Variants in TRHDE observed in about 807,000 individuals in gnomAD.
TRHDE encodes the protein thyrotropin-releasing hormone-degrading ectoenzyme.
Under a neutral mutation model 125.7 loss-of-function variants are expected in TRHDE, and 72 were observed. The observed-to-expected ratio is 0.57, with a 90% CI of 0.47 to 0.70. TRHDE has a LOEUF of 0.70. Among genes scored for constraint, TRHDE ranks in the 30% least tolerant of loss-of-function variants. The pLI is 0.00. For missense variants in TRHDE, 1,110 were observed against 1,327.1 expected (o/e 0.84, Z 2.54); for synonymous variants, 509 against 509.1 (o/e 1.00, Z 0.00).
chr12:72,626,326 A>C (rs1358225226), intron 15 of TRHDE, among the ~76,000 whole-genome samples: 2 of 151,912 alleles, frequency 1.3e-5, no homozygotes, highest in Non-Finnish European at 2.9e-5. Flanking sequence ...TATAATACTT[A>C]ACCTTTGCAG....
At chr12:72,551,669 G>A (rs564563648) in intron 7 of TRHDE, among the ~76,000 whole-genome samples, 4 of 151,856 alleles carry the variant, frequency 2.6e-5, no homozygotes, top group Non-Finnish European at 4.4e-5. Flanking sequence ...AAGTATTCAG[G>A]GCATGGTCCT....
intron 2 of TRHDE, among the ~76,000 whole-genome samples, chr12:72,323,178 A>G (rs1013755416): frequency 6.6e-6 from 1 of 152,118 alleles, no homozygotes; most frequent in Non-Finnish European, 1.5e-5. Context: ...AGAAGGTAAT[A>G]ATTTGGGAGA....
chr12:72,122,070 G>A (rs1875595221), intron 2 of TRHDE, among the ~76,000 whole-genome samples: 1 of 152,006 alleles, frequency 6.6e-6, no homozygotes, highest in South Asian at 2.1e-4. Flanking sequence ...CAAGAAGGAG[G>A]GAGGTGGTGG....
chr12:72,368,671 G>C (rs1326878016), intron 2 of TRHDE, among the ~76,000 whole-genome samples: 1 of 152,076 alleles, frequency 6.6e-6, no homozygotes, highest in African/African-American at 2.4e-5. Flanking sequence ...TGTGAATAGT[G>C]ACCTGACCCT....
At chr12:72,222,738 AC>A (rs1285167060) in intron 2 of TRHDE, among the ~76,000 whole-genome samples, 1 of 152,044 alleles carries the variant, frequency 6.6e-6, no homozygotes, top group African/African-American at 2.4e-5. Context: ...ATTGTTCCAG[AC>A]CCCTATCTGC....
chr12:72,633,086 C>T (rs772300673), intron 15 of TRHDE, among the ~76,000 whole-genome samples: 47 of 152,032 alleles, frequency 3.1e-4, no homozygotes, highest in Middle Eastern at 3.4e-3. Context: ...GGAACTTAAA[C>T]CTTTAAAAAG....
chr12:72,189,845 C>T (rs1877302975), intron 2 of TRHDE, among the ~76,000 whole-genome samples: 1 of 152,104 alleles, frequency 6.6e-6, no homozygotes, highest in East Asian at 1.9e-4. Flanking sequence ...CAGTGCAAAG[C>T]TCTGCCACTT....
intron 2 of TRHDE, among the ~76,000 whole-genome samples, chr12:72,123,207 A>C (rs1592449084): frequency 6.6e-6 from 1 of 152,274 alleles, no homozygotes; most frequent in Admixed American, 6.5e-5. Context: ...GGTAATGGGA[A>C]GCCACTGTAG....
At chr12:72,635,235 C>A (rs1406525802) in intron 15 of TRHDE, among the ~76,000 whole-genome samples, 1 of 152,068 alleles carries the variant, frequency 6.6e-6, no homozygotes, top group Non-Finnish European at 1.5e-5. Flanking sequence ...TTTTGATTTG[C>A]ATTTCTTTGA....
At chr12:72,090,892 T>G (rs1396379446) in intron 1 of TRHDE, among the ~76,000 whole-genome samples, 1 of 151,898 alleles carries the variant, frequency 6.6e-6, no homozygotes, top group African/African-American at 2.4e-5. Flanking sequence ...TCTTACTCTG[T>G]CCCCAGGCTG....
At chr12:72,521,578 AGCT>A (rs1238863496) in intron 6 of TRHDE, among the ~76,000 whole-genome samples, 1 of 152,228 alleles carries the variant, frequency 6.6e-6, no homozygotes, top group East Asian at 1.9e-4. Flanking sequence ...GGATGCAGTT[AGCT>A]CAGTGCCATA....
intron 2 of TRHDE, among the ~76,000 whole-genome samples, chr12:72,249,179 TA>T (rs200192972): frequency 2.0e-4 from 31 of 151,854 alleles, no homozygotes; most frequent in South Asian, 8.3e-4. Flanking sequence ...TAGCAAAACT[TA>T]AAAAAAATGA....
chr12:72,291,251 C>T (rs2139434170), intron 2 of TRHDE, among the ~76,000 whole-genome samples: 1 of 152,270 alleles, frequency 6.6e-6, no homozygotes, highest in East Asian at 1.9e-4. Context: ...CTCCCTTCAA[C>T]AGACAATAAT....
intron 2 of TRHDE, among the ~76,000 whole-genome samples, chr12:72,335,256 C>G (rs1313121732): frequency 6.6e-6 from 1 of 152,134 alleles, no homozygotes; most frequent in African/African-American, 2.4e-5. Context: ...TAGATTCTAA[C>G]AAGAGATTTC....
intron 2 of TRHDE, among the ~76,000 whole-genome samples, chr12:72,157,276 GA>G (rs938763687): frequency 1.8e-4 from 28 of 152,168 alleles, no homozygotes; most frequent in Non-Finnish European, 3.8e-4. Flanking sequence ...TAGGATCCTT[GA>G]AGGGCATGGT....
chr12:72,328,026 C>A (rs571710109), intron 2 of TRHDE, among the ~76,000 whole-genome samples: 5 of 152,262 alleles, frequency 3.3e-5, no homozygotes, highest in African/African-American at 1.2e-4. Flanking sequence ...TGCATACTGA[C>A]ATGCAGTGTA....
chr12:72,183,806 G>A (rs1366611159), intron 2 of TRHDE, among the ~76,000 whole-genome samples: 1 of 152,106 alleles, frequency 6.6e-6, no homozygotes, highest in Admixed American at 6.5e-5. Context: ...GAGAAATAAT[G>A]ACAGTATAAA....
intron 2 of TRHDE, among the ~76,000 whole-genome samples, chr12:72,193,233 AT>A (rs1221688074): frequency 6.6e-6 from 1 of 152,010 alleles, no homozygotes; most frequent in Non-Finnish European, 1.5e-5. Context: ...AAACATACAG[AT>A]TAATATTTCA....
intron 1 of TRHDE, among the ~76,000 whole-genome samples, chr12:72,104,555 A>G (rs981117378): frequency 2.6e-5 from 4 of 152,222 alleles, no homozygotes; most frequent in African/African-American, 7.2e-5. Context: ...TTTATGTTCA[A>G]GTGCTATTTT....
Sources: gnomAD v4.1 joint callset for allele counts (sites outside exome capture counted in the v4.1 genomes callset) on GRCh38, gnomAD v4.1.1 for gene constraint, MANE v1.5 for transcripts, NCBI Gene and HGNC (gene_info 2026-07-23, HGNC 2026-07-21) for gene names.